The following VPS13B variants were observed in gnomAD, a reference collection of about 807,000 sequenced individuals.
The protein encoded by VPS13B is intermembrane lipid transfer protein VPS13B.
In VPS13B, 285 loss-of-function variants were observed where a neutral mutation model predicts 426.4. The ratio of observed to expected loss-of-function variants is 0.67; its 90% CI spans 0.61 to 0.74. The LOEUF (loss-of-function observed/expected upper bound fraction) is 0.74. Among genes scored for constraint, VPS13B ranks in the 30% least tolerant of loss-of-function variants. The probability of loss-of-function intolerance (pLI) is 0.00; values close to 1 mark genes in which losing one functional copy is unlikely to be tolerated. For synonymous variants in VPS13B, 1,676 were observed against 1,676.4 expected (o/e 1.00, Z 0.01); for missense variants, 4,537 against 4,782.6 (o/e 0.95, Z 1.51).
intron 21 of VPS13B, among the ~76,000 whole-genome samples, chr8:99,422,965 C>A (rs2133384266): frequency 6.6e-6 from 1 of 152,240 alleles, no homozygotes; most frequent in African/African-American, 2.4e-5. Flanking sequence ...TCGTAAGATA[C>A]CAAAAATATG....
Position 99,077,235 on chromosome 8 carries a change from C to T in VPS13B, c.292-19077C>T, listed in dbSNP as rs374326653. Among the ~76,000 whole-genome samples the T allele has an allele frequency of 3.1e-4, 47 of 151,984 alleles. No individual in the cohort carries two copies. The East Asian group carries it at 4.6e-3, about 15-fold the overall frequency. On this transcript the variant is annotated intron_variant, in intron 3 of 61. Coordinates refer to ENST00000357162, the MANE Select transcript of VPS13B (RefSeq NM_152564.5). ...TTGCCCAGGTTGGAGTGCAATGGCG[C>T]GATCTCAGCTCACTGCAACCTCCGC...
chr8:99,163,481 A>T (rs1003927062), intron 15 of VPS13B, among the ~76,000 whole-genome samples: 2 of 152,202 alleles, frequency 1.3e-5, no homozygotes, highest in African/African-American at 4.8e-5. Flanking sequence ...CGGGCTGCAC[A>T]GGAGCCCATG....
intron 31 of VPS13B, among the ~76,000 whole-genome samples, chr8:99,571,448 A>G: frequency 6.6e-6 from 1 of 152,266 alleles, no homozygotes; most frequent in East Asian, 1.9e-4. Flanking sequence ...CCAGAAAAAT[A>G]ATAGTTTTAT....
intron 39 of VPS13B, among the ~76,000 whole-genome samples, chr8:99,761,358 C>T (rs1011928949): frequency 1.3e-5 from 2 of 152,226 alleles, no homozygotes; most frequent in Non-Finnish European, 2.9e-5. Context: ...TTCCACATCT[C>T]TTACTTTAGG....
At position 99,029,369 on chromosome 8, in the gene VPS13B, C is replaced by T. The variant is rs866731546; in HGVS notation, c.148-9054C>T. 2.4e-4 allele frequency among the ~76,000 whole-genome samples: 37 copies of T among 151,744 alleles called. No individual in the cohort carries two copies. In the Middle Eastern group the frequency reaches 0.031, roughly 126 times the overall value. On this transcript the variant is annotated intron_variant, in intron 2 of 61. Transcript: ENST00000357162. Reference sequence around the variant, plus strand: ...GCAGAGACGCTCCTCACTTCCCAGACGGGGTGGCGGCCGGGCAGAGGCTGC... The same window carrying T: ...GCAGAGACGCTCCTCACTTCCCAGATGGGGTGGCGGCCGGGCAGAGGCTGC...
intron 30 of VPS13B, among the ~76,000 whole-genome samples, chr8:99,535,227 A>G (rs771116611): frequency 2.0e-5 from 3 of 152,204 alleles, no homozygotes; most frequent in Non-Finnish European, 4.4e-5. Context: ...AAATCCTAAT[A>G]ATTTTTACAT....
At chr8:99,328,808 C>A (rs1433007659) in intron 19 of VPS13B, among the ~76,000 whole-genome samples, 1 of 152,026 alleles carries the variant, frequency 6.6e-6, no homozygotes, top group Non-Finnish European at 1.5e-5. Context: ...CCAGCTACAT[C>A]CCTGCAGTAG....
chr8:99,497,460 T>C (rs188236057), intron 25 of VPS13B, among the ~76,000 whole-genome samples: 1 of 151,100 alleles, frequency 6.6e-6, no homozygotes, highest in East Asian at 1.9e-4. Flanking sequence ...ATATATTAAC[T>C]ACTCAATGTT....
intron 19 of VPS13B, among the ~76,000 whole-genome samples, chr8:99,348,420 G>A (rs961123280): frequency 3.3e-5 from 5 of 152,164 alleles, no homozygotes; most frequent in African/African-American, 4.8e-5. Context: ...TGTGATTATA[G>A]ATGAAATCAA....
At chr8:99,196,991 C>T (rs1191150085) in intron 17 of VPS13B, among the ~76,000 whole-genome samples, 1 of 152,064 alleles carries the variant, frequency 6.6e-6, no homozygotes, top group Non-Finnish European at 1.5e-5. Context: ...TGTTTAGGTA[C>T]ATTCCTTCTA....
At position 99,821,305 on chromosome 8, in the gene VPS13B, A is replaced by G. The variant is rs952274759; in HGVS notation, c.9006A>G (p.Gln3002=). 1.2e-6 allele frequency: 2 copies of G among 1,613,522 alleles called. No individual in the cohort carries two copies. Among genetic ancestry groups the G allele is most frequent in the African/African-American group, 1.3e-5 (1 of 74,906 alleles). Residue 3002 remains glutamine (Q), a synonymous_variant, in exon 50 of 62, where the codon CAA becomes CAG. Coordinates refer to ENST00000357162, the MANE Select transcript of VPS13B (RefSeq NM_152564.5). Reference sequence around the variant, plus strand: ...CATTATTTTTCCAGGAAGCTTTTCAAATTGGAATATACTGGGCAAATACAA... The same window carrying G: ...CATTATTTTTCCAGGAAGCTTTTCAGATTGGAATATACTGGGCAAATACAA... ...IIPPNFQEAF[Q]IGIYWANTNT...
intron 27 of VPS13B, among the ~76,000 whole-genome samples, chr8:99,503,562 T>G (rs1329599690): frequency 6.6e-6 from 1 of 152,238 alleles, no homozygotes; most frequent in Non-Finnish European, 1.5e-5. Context: ...AATGAGATTA[T>G]GGAATATTCT....
At position 99,486,741 on chromosome 8, in the gene VPS13B, C is replaced by T. The variant is rs546043108; in HGVS notation, c.3870+4939C>T. On this transcript the variant is annotated intron_variant, in intron 25 of 61. Transcript: ENST00000357162. Reference sequence around the variant, plus strand: ...GTTTAAACACCATTGCTCAACCCCTCGACCCTTATCTGAGTTTGATACTTC... The same window carrying T: ...GTTTAAACACCATTGCTCAACCCCTTGACCCTTATCTGAGTTTGATACTTC... Among the ~76,000 whole-genome samples the T allele has an allele frequency of 1.6e-4, 24 of 152,304 alleles. No individual in the cohort carries two copies. The East Asian group carries it at 2.3e-3, about 15-fold the overall frequency.
chr8:99,782,419 A>G (rs1208756633), intron 42 of VPS13B, among the ~76,000 whole-genome samples: 1 of 152,070 alleles, frequency 6.6e-6, no homozygotes, highest in Admixed American at 6.6e-5. Context: ...GTACAAATTA[A>G]CAAGTGCTCT....
At chr8:99,211,732 G>A (rs1214201038) in intron 17 of VPS13B, among the ~76,000 whole-genome samples, 1 of 151,834 alleles carries the variant, frequency 6.6e-6, no homozygotes, top group East Asian at 1.9e-4. Flanking sequence ...AGCCAAGATC[G>A]CGCCACTGCA....
chr8:99,431,476 G>A (rs1480912602), intron 21 of VPS13B, 61 bp from the exon 22 acceptor site: 6 of 1,582,694 alleles, frequency 3.8e-6, no homozygotes, highest in Non-Finnish European at 5.2e-6. Flanking sequence ...AATACGTTTG[G>A]TATGTTCTGT....
intron 19 of VPS13B, among the ~76,000 whole-genome samples, chr8:99,324,546 C>T (rs1386613337): frequency 6.6e-6 from 1 of 152,162 alleles, no homozygotes; most frequent in Non-Finnish European, 1.5e-5. Context: ...TGTATCAAAG[C>T]AGCTCTGCCT....
intron 25 of VPS13B, among the ~76,000 whole-genome samples, chr8:99,485,780 T>C (rs1274107605): frequency 6.6e-6 from 1 of 152,210 alleles, no homozygotes; most frequent in African/African-American, 2.4e-5. Flanking sequence ...CCAGGAATGC[T>C]ATGTTCAAAG....
chr8:99,412,775 C>A, intron 21 of VPS13B, among the ~76,000 whole-genome samples: 1 of 152,066 alleles, frequency 6.6e-6, no homozygotes, highest in Non-Finnish European at 1.5e-5. Context: ...GAGTTTTTAG[C>A]ATGAAGGGGT....
Sources: allele counts gnomAD v4.1 joint callset (sites outside exome capture counted in the v4.1 genomes callset), GRCh38; gene constraint gnomAD v4.1.1; transcripts MANE v1.5; gene names NCBI Gene and HGNC (gene_info 2026-07-23, HGNC 2026-07-21).